The following FBXO25 variants were observed in gnomAD, a reference collection of about 807,000 sequenced individuals.
FBXO25 encodes F-box only protein 25.
Under a neutral mutation model 51.9 loss-of-function variants are expected in FBXO25, and 45 were observed. The observed-to-expected ratio is 0.87, with a 90% confidence interval of 0.68 to 1.11. The LOEUF is 1.11. Ranked by LOEUF, FBXO25 falls within the 50% of genes most tolerant of loss-of-function variation. FBXO25 has a pLI of 0.00. For synonymous variants in FBXO25, 199 were observed against 151.0 expected (o/e 1.32, Z -2.33); for missense variants, 507 against 428.5 (o/e 1.18, Z -1.62).
At chr8:407,942 G>A (rs1425018570) in intron 1 of FBXO25, among the ~76,000 whole-genome samples, 4 of 152,162 alleles carry the variant, frequency 2.6e-5, no homozygotes, top group Non-Finnish European at 5.9e-5. Context: ...AGAATCTAGA[G>A]AACCATTTCT....
intron 2 of FBXO25, among the ~76,000 whole-genome samples, chr8:415,524 G>T (rs1311995887): frequency 6.6e-6 from 1 of 152,154 alleles, no homozygotes; most frequent in Non-Finnish European, 1.5e-5. Context: ...TAGGTCGGCT[G>T]GGGTCCAGAT....
rs1237301298 is a variant in FBXO25, at chr8:464,300, AGT to A, written c.987+1155_987+1156del. ...ACATGTTAATATTATTTCACCCTGGAGTGTGTTTCCATGGTTTGCCTTGCGTT... is the reference window on the plus strand; with the variant it reads ...ACATGTTAATATTATTTCACCCTGGAGTGTTTCCATGGTTTGCCTTGCGTT... On this transcript the variant is annotated intron_variant, in intron 9 of 9. Coordinates refer to ENST00000350302, the MANE Select transcript of FBXO25 (RefSeq NM_183420.2). Among the ~76,000 whole-genome samples, 3 of 152,060 alleles carry A rather than the reference AGT, an allele frequency of 2.0e-5. No homozygotes were observed. The East Asian group carries it at 5.8e-4, about 29-fold the overall frequency.
intron 2 of FBXO25, among the ~76,000 whole-genome samples, chr8:421,598 T>G (rs1797161477): frequency 6.6e-6 from 1 of 152,196 alleles, no homozygotes; most frequent in African/African-American, 2.4e-5. Context: ...GAACTAGGGC[T>G]GTTGGTTTTT....
chr8:458,255 GCT>G lies in FBXO25; in HGVS notation c.661-111_661-110del, dbSNP rs1205876085. The G allele has an allele frequency of 4.2e-6, 5 of 1,200,790 alleles. No homozygotes were observed. The East Asian group carries it at 7.1e-5, about 17-fold the overall frequency. The allele number at this position is 1,200,790 out of a possible 1,614,324, so 74.4% of individuals were successfully genotyped here. A position where few individuals can be genotyped will look rare whatever the true frequency, so the allele number is the denominator to read the frequency against. ...CACCTTGCGACGCATGACATGGAGAGCTCTTTTTGTGTTACCATGTTTTGAAG... is the reference window on the plus strand; with the variant it reads ...CACCTTGCGACGCATGACATGGAGAGCTTTTTGTGTTACCATGTTTTGAAG... On this transcript the variant is annotated intron_variant, in intron 7 of 9. Transcript: ENST00000350302.
chr8:449,726 G>T (rs1798960441), intron 5 of FBXO25, among the ~76,000 whole-genome samples: 1 of 152,196 alleles, frequency 6.6e-6, no homozygotes, highest in Non-Finnish European at 1.5e-5. Context: ...TCCGGGAGGA[G>T]ATATGCTTCC....
At chr8:437,249 G>A (rs761435492) in intron 5 of FBXO25, among the ~76,000 whole-genome samples, 1 of 152,154 alleles carries the variant, frequency 6.6e-6, no homozygotes, top group Admixed American at 6.5e-5. Flanking sequence ...ATTAAAATGT[G>A]CTGTGCACTC....
chr8:423,700 G>T (rs1011988992), intron 2 of FBXO25, among the ~76,000 whole-genome samples: 1 of 152,194 alleles, frequency 6.6e-6, no homozygotes, highest in African/African-American at 2.4e-5. Context: ...CCATTGATGG[G>T]CACCTGGGTT....
At position 468,878 on chromosome 8, in the gene FBXO25, G is replaced by C; in HGVS notation, c.*74G>C. 1 of 1,417,772 alleles carries C rather than the reference G, an allele frequency of 7.1e-7. No individual in the cohort carries two copies. Among genetic ancestry groups the C allele is most frequent in the South Asian group, 1.3e-5 (1 of 79,040 alleles). The allele number at this position is 1,417,772 out of a possible 1,614,324, so 87.8% of individuals were successfully genotyped here. A position where few individuals can be genotyped will look rare whatever the true frequency, so the allele number is the denominator to read the frequency against. ...GCAGGGCTCATAGTGAGTGTTCTGT[G>C]AGGTGGGTGGAGACTCCTCGGAAGC... On this transcript the variant is annotated 3_prime_UTR_variant, in exon 10 of 10. Transcript: ENST00000350302.
Position 468,865 on chromosome 8 carries a change from G to A in FBXO25, c.*61G>A. On this transcript the variant is annotated 3_prime_UTR_variant, in exon 10 of 10. Coordinates refer to ENST00000350302, the MANE Select transcript of FBXO25 (RefSeq NM_183420.2). The stretch of plus-strand genomic sequence containing the variant: ...TCCTGCTGTCTGTGCAGGGCTCATA[G>A]TGAGTGTTCTGTGAGGTGGGTGGAG... 1.3e-6 allele frequency: 2 copies of A among 1,528,178 alleles called. No homozygotes were observed. The highest frequency in any genetic ancestry group is 2.3e-5 in the East Asian group (1 of 43,250). 94.7% of individuals were successfully genotyped at this position (1,528,178 alleles called of 1,614,324 possible). A position where few individuals can be genotyped will look rare whatever the true frequency, so the allele number is the denominator to read the frequency against.
intron 7 of FBXO25, among the ~76,000 whole-genome samples, chr8:455,896 C>T (rs1455772913): frequency 1.3e-5 from 2 of 152,184 alleles, no homozygotes; most frequent in Admixed American, 6.5e-5. Context: ...GGCATTTCTG[C>T]GACACCCTCT....
chr8:409,227 C>G (rs1796344750), intron 1 of FBXO25, among the ~76,000 whole-genome samples: 2 of 152,128 alleles, frequency 1.3e-5, no homozygotes, highest in African/African-American at 4.8e-5. Flanking sequence ...TGCTTTAGTT[C>G]ATGAGCTGTA....
rs574381050 is a variant in FBXO25, at chr8:447,163, G to A, written c.382-2827G>A. Among the ~76,000 whole-genome samples the A allele has an allele frequency of 2.0e-5, 3 of 152,324 alleles. No individual in the cohort carries two copies. The South Asian group carries it at 6.2e-4, about 32-fold the overall frequency. The stretch of plus-strand genomic sequence containing the variant: ...GTTCAACTCCAGCTTGCAGAGTGCA[G>A]AAGTTCCAGGGAGGACCACTGACAG... On this transcript the variant is annotated intron_variant, in intron 5 of 9. Coordinates refer to ENST00000350302, the MANE Select transcript of FBXO25 (RefSeq NM_183420.2).
chr8:428,564 C>T (rs970944442), intron 2 of FBXO25, among the ~76,000 whole-genome samples: 1 of 152,042 alleles, frequency 6.6e-6, no homozygotes, highest in Non-Finnish European at 1.5e-5. Flanking sequence ...AATTGCCATC[C>T]TAACCATTTT....
intron 9 of FBXO25, chr8:467,642 T>C: frequency 4.9e-6 from 7 of 1,422,454 alleles, no homozygotes; most frequent in South Asian, 1.2e-5. Context: ...ACACTCTGGC[T>C]CTTTCTAATC....
chr8:441,843 A>G (rs1379751769), intron 5 of FBXO25, among the ~76,000 whole-genome samples: 3 of 152,236 alleles, frequency 2.0e-5, no homozygotes, highest in Non-Finnish European at 4.4e-5. Context: ...GGCTATCATT[A>G]AAAAGTCAGG....
At position 461,217 on chromosome 8, in the gene FBXO25, C is replaced by T. The variant is rs532416971; in HGVS notation, c.844-1790C>T. The stretch of plus-strand genomic sequence containing the variant: ...TTGGTAACACCTTTATTAAGATACC[C>T]TCCACTTTATGCAGCCATCACTACA... On this transcript the variant is annotated intron_variant, in intron 8 of 9. Coordinates refer to ENST00000350302, the MANE Select transcript of FBXO25 (RefSeq NM_183420.2). Among the ~76,000 whole-genome samples the T allele has an allele frequency of 1.1e-4, 16 of 152,302 alleles. No individual in the cohort carries two copies. In the South Asian group the frequency reaches 3.3e-3, roughly 32 times the overall value.
chr8:432,739 G>C, intron 3 of FBXO25, 147 bp from the exon 4 acceptor site: 1 of 1,003,124 alleles, frequency 1.0e-6, no homozygotes, highest in South Asian at 2.0e-5. Flanking sequence ...AAGCAATTCT[G>C]TTTGCATTCA....
rs574324441 is a variant in FBXO25 at position 449,136 on chromosome 8, C to T, written c.382-854C>T. 9.2e-5 allele frequency among the ~76,000 whole-genome samples: 14 copies of T among 152,110 alleles called. 1 individual carries two copies. In the East Asian group the frequency reaches 2.3e-3, roughly 25 times the overall value. On this transcript the variant is annotated intron_variant, in intron 5 of 9. Transcript: ENST00000350302. ...AAGTGAAACCCAACTCCAAGTTGTACGTAAGAAGCACACCTAAAACAGAGA... is the reference window on the plus strand; with the variant it reads ...AAGTGAAACCCAACTCCAAGTTGTATGTAAGAAGCACACCTAAAACAGAGA...
Position 468,625 on chromosome 8 carries a change from T to TCAA in FBXO25, c.988-86_988-84dup. 5 of 968,510 alleles carry TCAA rather than the reference T, an allele frequency of 5.2e-6. No homozygotes were observed. The South Asian group carries it at 7.3e-5, about 14-fold the overall frequency. 60.0% of individuals were successfully genotyped at this position (968,510 alleles called of 1,614,324 possible). On this transcript the variant is annotated intron_variant, in intron 9 of 9. Coordinates refer to ENST00000350302, the MANE Select transcript of FBXO25 (RefSeq NM_183420.2). ...TCTGAGGTGGGGCCCAGGGTCCACA[T>TCAA]CAACAAGCAGCTGACGACCCCTCAA...
Sources: allele counts gnomAD v4.1 joint callset (sites outside exome capture counted in the v4.1 genomes callset), GRCh38; gene constraint gnomAD v4.1.1; transcripts MANE v1.5; gene names NCBI Gene and HGNC (gene_info 2026-07-23, HGNC 2026-07-21).